The following GCKR variants were observed in gnomAD, a reference collection of about 807,000 sequenced individuals.
GCKR encodes glucokinase regulatory protein.
In GCKR, 73 loss-of-function variants were observed where a neutral mutation model predicts 82.9. The ratio of observed to expected loss-of-function variants is 0.88; its 90% CI spans 0.73 to 1.07. The LOEUF is 1.07. Ranked by LOEUF, GCKR falls within the 50% of genes least tolerant of loss-of-function variation. The pLI is 0.00. For missense variants in GCKR, 784 were observed against 782.1 expected, an observed-to-expected ratio of 1.00 and a Z score of -0.03; for synonymous variants, 294 against 291.8, an observed-to-expected ratio of 1.01 and a Z score of -0.08.
In GCKR at chr2:27,507,428, A is replaced by G. The variant is rs546256169; in HGVS notation, c.1143+117A>G. On this transcript the variant is annotated intron_variant, in intron 13 of 18. Transcript: ENST00000264717. ...CATTGGAATAGACGGTCCAGAGAAG[A>G]GAATATGGGTCAGAAGTCATGAGGC... is the stretch of plus-strand genomic sequence containing the variant. 1.1e-4 allele frequency: 85 copies of G among 791,144 alleles called. 1 individual carries two copies. The South Asian group carries it at 1.1e-3, about 11-fold the overall frequency. The allele number at this position is 791,144 out of a possible 1,614,324, so 49.0% of individuals were successfully genotyped here. A position where few individuals can be genotyped will look rare whatever the true frequency, so the allele number is the denominator to read the frequency against.
chr2:27,517,497 T>A (rs987012620), intron 16 of GCKR, among the ~76,000 whole-genome samples: 2 of 152,090 alleles, frequency 1.3e-5, no homozygotes, highest in East Asian at 3.9e-4. Flanking sequence ...TCATGAGAAC[T>A]CACTATCCCA....
chr2:27,496,849 G>C lies in GCKR; in HGVS notation c.-56G>C, dbSNP rs1482936344. ...ACTGGAAGCAGAGTCATTGTGACCAGAGGGGTTTGTGTGGCTGAAGAGGCA... is the reference window on the plus strand; with the variant it reads ...ACTGGAAGCAGAGTCATTGTGACCACAGGGGTTTGTGTGGCTGAAGAGGCA... On this transcript the variant is annotated 5_prime_UTR_variant, in exon 1 of 19. Coordinates refer to ENST00000264717, the MANE Select transcript of GCKR (RefSeq NM_001486.4). The C allele has an allele frequency of 7.1e-7, 1 of 1,403,926 alleles. No homozygotes were observed. The highest frequency in any genetic ancestry group is 1.0e-6 in the Non-Finnish European group (1 of 988,472). 87.0% of individuals were successfully genotyped at this position (1,403,926 alleles called of 1,614,324 possible).
At chr2:27,520,689 T>C (rs1670129410) in intron 17 of GCKR, among the ~76,000 whole-genome samples, 1 of 152,232 alleles carries the variant, frequency 6.6e-6, no homozygotes, top group Non-Finnish European at 1.5e-5. Flanking sequence ...GTAACTTTAA[T>C]ATTTTGGTAG....
At chr2:27,499,362 C>G (rs1024883004) in intron 6 of GCKR, 35 bp from the exon 7 acceptor site, 1 of 1,549,182 alleles carries the variant, frequency 6.5e-7, no homozygotes, top group Non-Finnish European at 8.9e-7. Context: ...TGGAATCCTC[C>G]CAGTTACACT....
intron 16 of GCKR, among the ~76,000 whole-genome samples, chr2:27,512,169 G>A (rs1225721462): frequency 6.9e-6 from 1 of 145,828 alleles, no homozygotes; most frequent in Non-Finnish European, 1.5e-5. Context: ...AACCTGGGAG[G>A]CAGAGGTTGC....
intron 16 of GCKR, among the ~76,000 whole-genome samples, chr2:27,510,288 C>T (rs1195156245): frequency 2.0e-5 from 3 of 152,028 alleles, no homozygotes; most frequent in East Asian, 1.9e-4. Context: ...CGATTACAGG[C>T]GTGAGCCACC....
chr2:27,519,951 A>C (rs1225578198), intron 17 of GCKR, among the ~76,000 whole-genome samples: 3 of 152,106 alleles, frequency 2.0e-5, no homozygotes, highest in South Asian at 4.1e-4. Context: ...GAAGGAGTGG[A>C]TGTTGAGCAG....
chr2:27,506,021 G>A (rs1260633606), intron 10 of GCKR, among the ~76,000 whole-genome samples, 185 bp downstream of exon 10: 2 of 152,186 alleles, frequency 1.3e-5, no homozygotes, highest in Admixed American at 6.5e-5. Context: ...TGCAGAGTCC[G>A]AATTGTTTCC....
chr2:27,506,221 C>T (rs1163606903), intron 10 of GCKR, among the ~76,000 whole-genome samples: 1 of 152,172 alleles, frequency 6.6e-6, no homozygotes, highest in Non-Finnish European at 1.5e-5. Flanking sequence ...CATGCCCCTT[C>T]CCAGTGGCTC....
At chr2:27,518,974 G>A (rs746369078) in intron 17 of GCKR, 37 bp downstream of exon 17, 1 of 1,567,762 alleles carries the variant, frequency 6.4e-7, no homozygotes, top group Non-Finnish European at 8.8e-7. Context: ...GTGGGACCTG[G>A]CCTCAATGCT....
intron 17 of GCKR, among the ~76,000 whole-genome samples, chr2:27,519,650 C>T (rs971269495): frequency 1.3e-5 from 2 of 152,110 alleles, no homozygotes; most frequent in Non-Finnish European, 1.5e-5. Context: ...GCAAACTGGC[C>T]ACCAGTAGTG....
intron 17 of GCKR, among the ~76,000 whole-genome samples, chr2:27,520,765 G>A (rs1376122094): frequency 1.3e-5 from 2 of 152,114 alleles, no homozygotes; most frequent in Non-Finnish European, 2.9e-5. Context: ...GCTGGGCACG[G>A]TGGCTCACGC....
chr2:27,497,744 T>G, intron 3 of GCKR, 114 bp downstream of exon 3: 2 of 733,878 alleles, frequency 2.7e-6, no homozygotes, highest in South Asian at 1.5e-5. Flanking sequence ...CTTTTGGAGA[T>G]CCTCCCTTTT....
chr2:27,497,223 C>T (rs2148577665), intron 1 of GCKR, 21 bp from the exon 2 acceptor site: 1 of 1,614,146 alleles, frequency 6.2e-7, no homozygotes, highest in East Asian at 2.2e-5. Flanking sequence ...CTGCTCCATC[C>T]TTGTCCCCTC....
At chr2:27,505,695 C>T in intron 9 of GCKR, 23 bp from the exon 10 acceptor site, 2 of 1,318,964 alleles carry the variant, frequency 1.5e-6, no homozygotes, top group Non-Finnish European at 2.2e-6. Context: ...CCCAATTCCT[C>T]TTGGGTGTCT....
intron 16 of GCKR, among the ~76,000 whole-genome samples, chr2:27,509,044 G>A (rs1024301257): frequency 1.3e-5 from 2 of 152,116 alleles, no homozygotes; most frequent in Non-Finnish European, 2.9e-5. Flanking sequence ...GGCATTGGGA[G>A]CTCTGGATGC....
chr2:27,502,843 G>A (rs1052973866), intron 8 of GCKR, among the ~76,000 whole-genome samples: 6 of 152,200 alleles, frequency 3.9e-5, no homozygotes, highest in Non-Finnish European at 8.8e-5. Context: ...CACAGTGGGC[G>A]ATTCACAAAT....
At position 27,523,592 on chromosome 2, in the gene GCKR, T is replaced by C. The variant is rs1670204161; in HGVS notation, c.*153T>C. 2.8e-6 allele frequency: 2 copies of C among 724,188 alleles called. No homozygotes were observed. The highest frequency in any genetic ancestry group is 2.2e-5 in the Admixed American group (1 of 46,262). The allele number at this position is 724,188 out of a possible 1,614,324, so 44.9% of individuals were successfully genotyped here. On this transcript the variant is annotated 3_prime_UTR_variant, in exon 19 of 19. Transcript: ENST00000264717. ...GGTAGGGAGAAATATTCTCTCCACT[T>C]TGGGGGAGAGTTCTTGCTCTCGACC...
chr2:27,497,096 A>C (rs1669430556), intron 1 of GCKR, 132 bp downstream of exon 1: 1 of 1,221,496 alleles, frequency 8.2e-7, no homozygotes, highest in African/African-American at 1.5e-5. Context: ...TGCCCAGAGC[A>C]CCAAGTGCAG....
Sources: gnomAD v4.1 joint callset for allele counts (sites outside exome capture counted in the v4.1 genomes callset) on GRCh38, gnomAD v4.1.1 for gene constraint, MANE v1.5 for transcripts, NCBI Gene and HGNC (gene_info 2026-07-23, HGNC 2026-07-21) for gene names.